The following RCAN1 variants were observed in gnomAD, a reference collection of about 807,000 sequenced individuals.
RCAN1 encodes regulator of calcineurin 1, also known as calcipressin-1.
RCAN1 carries 11 observed loss-of-function variants against 22.9 expected under a neutral mutation model. The ratio of observed to expected loss-of-function variants is 0.48; its 90% CI spans 0.30 to 0.79. RCAN1 has a LOEUF of 0.79. RCAN1 is among the 30% of genes least tolerant of loss of function. The pLI is 0.06. For missense variants in RCAN1, 291 were observed against 337.8 expected (o/e 0.86, Z 1.09); for synonymous variants, 136 against 142.3 (o/e 0.96, Z 0.32).
intron 1 of RCAN1, among the ~76,000 whole-genome samples, chr21:34,555,091 A>G (rs576143068): frequency 5.3e-5 from 8 of 152,264 alleles, no homozygotes; most frequent in Non-Finnish European, 7.3e-5. Context: ...CAGTGCTAAC[A>G]GTGCACTTGC....
chr21:34,609,492 G>T (rs771448417), intron 1 of RCAN1, among the ~76,000 whole-genome samples: 1 of 152,152 alleles, frequency 6.6e-6, no homozygotes, highest in Non-Finnish European at 1.5e-5. Flanking sequence ...CAGGCCCTGC[G>T]GTGATATGTA....
Position 34,518,073 on chromosome 21 carries a change from C to A in RCAN1, c.*11G>T. On this transcript the variant is annotated 3_prime_UTR_variant, in exon 4 of 4. Transcript: ENST00000313806. This position sits in a 1 kb window ranked among gnomAD's most constrained non-coding sequence, Gnocchi z 4.2. ...AGTATGATTTGGAATGCGTCCTCGT[C>A]GCGTGCCAGTTCAGCTGAGGTGGAT... 8 of 1,613,888 alleles carry A rather than the reference C, an allele frequency of 5.0e-6. No individual in the cohort carries two copies. The highest frequency in any genetic ancestry group is 6.8e-6 in the Non-Finnish European group (8 of 1,179,874).
intron 3 of RCAN1, chr21:34,521,210 G>C (rs1212273385): frequency 6.4e-6 from 9 of 1,405,032 alleles, no homozygotes; most frequent in Non-Finnish European, 7.4e-6. Flanking sequence ...TCCCACGCAG[G>C]CTGTGCTCAG....
intron 1 of RCAN1, among the ~76,000 whole-genome samples, chr21:34,590,996 C>A (rs578114797): frequency 1.3e-5 from 2 of 152,112 alleles, no homozygotes; most frequent in Non-Finnish European, 2.9e-5. Flanking sequence ...CCTTATGATC[C>A]GTGCACAGCG....
intron 1 of RCAN1, among the ~76,000 whole-genome samples, chr21:34,585,599 C>G (rs547932604): frequency 1.3e-5 from 2 of 151,874 alleles, no homozygotes; most frequent in Non-Finnish European, 2.9e-5. Context: ...AAAAATTAGC[C>G]GGGCATGGTG....
rs1988785925 is a variant in RCAN1, at chr21:34,615,065, C to T, written c.-54G>A. On this transcript the variant is annotated 5_prime_UTR_variant, in exon 1 of 4. Transcript: ENST00000313806. ...CAGCGGGCTGCTCCGGGCTTGCGCG[C>T]CGGAGCCTCACGCGCTCCGGTCCGC... The T allele has an allele frequency of 3.9e-6, 4 of 1,014,892 alleles. No individual in the cohort carries two copies. Among genetic ancestry groups the T allele is most frequent in the East Asian group, 1.0e-4 (1 of 9,970 alleles). The allele number at this position is 1,014,892 out of a possible 1,614,324, so 62.9% of individuals were successfully genotyped here.
Position 34,614,752 on chromosome 21 carries a change from G to C in RCAN1, c.252+8C>G. On this transcript the variant is annotated splice_region_variant and intron_variant, in intron 1 of 3. Coordinates refer to ENST00000313806, the MANE Select transcript of RCAN1 (RefSeq NM_004414.7). This position sits in a 1 kb window ranked among gnomAD's most constrained non-coding sequence, Gnocchi z 6.0. Reference sequence around the variant, plus strand: ...CCGCCCCGACGGCCCGCCCGGCGCGGTCCTCACCCGGCACAGGCCGTCCAC... The same window carrying C: ...CCGCCCCGACGGCCCGCCCGGCGCGCTCCTCACCCGGCACAGGCCGTCCAC... 1 of 1,430,104 alleles carries C rather than the reference G, an allele frequency of 7.0e-7. No homozygotes were observed. The highest frequency in any genetic ancestry group is 1.3e-5 in the South Asian group (1 of 76,376). The allele number at this position is 1,430,104 out of a possible 1,614,324, so 88.6% of individuals were successfully genotyped here.
At chr21:34,556,593 G>A (rs1986583844) in intron 1 of RCAN1, among the ~76,000 whole-genome samples, 1 of 152,066 alleles carries the variant, frequency 6.6e-6, no homozygotes, top group African/African-American at 2.4e-5. Flanking sequence ...TTCAAGTGAG[G>A]TCTCTGATAC....
rs575491740 is a variant in RCAN1 at position 34,544,789 on chromosome 21, C to T, written c.253-21079G>A. On this transcript the variant is annotated intron_variant, in intron 1 of 3. Transcript: ENST00000313806. ...CCCTGCTGTCAGGAAGCACCCGCCT[C>T]GGGTTGGAGTAAAAGTCACACATGG... Among the ~76,000 whole-genome samples, 207 of 152,244 alleles carry T rather than the reference C, an allele frequency of 1.4e-3. 3 individuals carry two copies. The highest frequency in any genetic ancestry group is 1.9e-3 in the Non-Finnish European group (127 of 68,016).
At chr21:34,525,157 G>A in intron 1 of RCAN1, 1 of 1,550,586 alleles carries the variant, frequency 6.4e-7, no homozygotes, top group Middle Eastern at 1.7e-4. Flanking sequence ...AGAGGAGAGT[G>A]TCTTCAGGAA....
At chr21:34,531,977 G>A (rs1985412767) in intron 1 of RCAN1, among the ~76,000 whole-genome samples, 2 of 152,152 alleles carry the variant, frequency 1.3e-5, no homozygotes, top group South Asian at 4.1e-4. Context: ...CCACCACGAT[G>A]GGTATAGAGA....
At chr21:34,612,871 C>T (rs574709586) in intron 1 of RCAN1, among the ~76,000 whole-genome samples, 1 of 152,348 alleles carries the variant, frequency 6.6e-6, no homozygotes, top group East Asian at 1.9e-4. Context: ...TTCAACAAAA[C>T]CCCCACAGTG....
At chr21:34,521,005 G>GC (rs972024698) in intron 3 of RCAN1, 1 of 1,022,866 alleles carries the variant, frequency 9.8e-7, no homozygotes, top group African/African-American at 1.7e-5. Flanking sequence ...CAGCCCGACC[G>GC]CGGCCCTTCC....
chr21:34,597,727 T>A (rs76620137), intron 1 of RCAN1, among the ~76,000 whole-genome samples: 47 of 152,324 alleles, frequency 3.1e-4, no homozygotes, highest in African/African-American at 1.1e-3. Context: ...TGAAGTATTA[T>A]AAACAAGATG....
intron 1 of RCAN1, among the ~76,000 whole-genome samples, chr21:34,552,673 A>G (rs1601166597): frequency 1.2e-5 from 1 of 85,224 alleles, no homozygotes; most frequent in Admixed American, 1.1e-4. Flanking sequence ...TGTGCCTATT[A>G]AAAAAAAAAA....
At chr21:34,550,938 T>C (rs1986343360) in intron 1 of RCAN1, among the ~76,000 whole-genome samples, 2 of 152,232 alleles carry the variant, frequency 1.3e-5, no homozygotes, top group African/African-American at 4.8e-5. Context: ...CGATAGAATC[T>C]GTATCCTGCT....
At chr21:34,524,254 A>C (rs1184220013) in intron 1 of RCAN1, 1 of 152,846 alleles carries the variant, frequency 6.5e-6, no homozygotes, top group Non-Finnish European at 1.5e-5. Context: ...TCAGCAGAAC[A>C]GTTGCCAATA....
In RCAN1 at chr21:34,517,805, A is replaced by G; in HGVS notation, c.*279T>C. ...CAGAAAAGAACAAGTACAAAACACTATCATTATCTGTTTTCTCAAGACAGT... is the reference window on the plus strand; with the variant it reads ...CAGAAAAGAACAAGTACAAAACACTGTCATTATCTGTTTTCTCAAGACAGT... On this transcript the variant is annotated 3_prime_UTR_variant, in exon 4 of 4. Coordinates refer to ENST00000313806, the MANE Select transcript of RCAN1 (RefSeq NM_004414.7). The G allele has an allele frequency of 4.5e-6, 2 of 446,530 alleles. No homozygotes were observed. Among genetic ancestry groups the G allele is most frequent in the East Asian group, 8.3e-5 (2 of 24,182 alleles). 27.7% of individuals were successfully genotyped at this position (446,530 alleles called of 1,614,324 possible).
chr21:34,524,019 G>GC, intron 1 of RCAN1: 1 of 195,858 alleles, frequency 5.1e-6, no homozygotes. Flanking sequence ...CTGTCCTCAG[G>GC]TGATCCCTCG....
Sources: allele counts gnomAD v4.1 joint callset (sites outside exome capture counted in the v4.1 genomes callset), GRCh38; gene constraint gnomAD v4.1.1; non-coding constraint Gnocchi (gnomAD v3.1); transcripts MANE v1.5; gene names NCBI Gene and HGNC (gene_info 2026-07-23, HGNC 2026-07-21).